LDLRAD3: variants seen among roughly 807,000 people sequenced by gnomAD.
LDLRAD3 encodes the protein low density lipoprotein receptor class A domain containing 3, also known as low-density lipoprotein receptor class A domain-containing protein 3.
Under a neutral mutation model 29.4 loss-of-function variants are expected in LDLRAD3, and 20 were observed. That is an observed-to-expected ratio of 0.68 (90% confidence interval 0.48 to 0.99). The LOEUF is 0.99. LDLRAD3 is among the 50% of genes least tolerant of loss of function. LDLRAD3 has a pLI of 0.00. For synonymous variants in LDLRAD3, 157 were observed against 192.7 expected (o/e 0.81, Z 1.53); for missense variants, 420 against 454.3 (o/e 0.92, Z 0.69).
intron 1 of LDLRAD3, among the ~76,000 whole-genome samples, chr11:36,000,126 A>T (rs1421576165): frequency 2.0e-5 from 3 of 152,112 alleles, no homozygotes; most frequent in East Asian, 1.9e-4. Flanking sequence ...AAAAGGAAGG[A>T]TCTATATGGT....
In LDLRAD3 at chr11:36,135,332, C is replaced by T. The variant is rs1157230341; in HGVS notation, c.454+36871C>T. Among the ~76,000 whole-genome samples the T allele has an allele frequency of 2.6e-5, 4 of 152,174 alleles. No homozygotes were observed. The East Asian group carries it at 7.7e-4, about 29-fold the overall frequency. On this transcript the variant is annotated intron_variant, in intron 4 of 5. Transcript: ENST00000315571. ...AAAGATTGATTGCTGGCTTTTTGCCCTTTCCCCATGGCTGGGGTTTGGGAA... is the reference window on the plus strand; with the variant it reads ...AAAGATTGATTGCTGGCTTTTTGCCTTTTCCCCATGGCTGGGGTTTGGGAA...
At chr11:36,030,192 G>A (rs1386745221) in intron 1 of LDLRAD3, among the ~76,000 whole-genome samples, 1 of 152,216 alleles carries the variant, frequency 6.6e-6, no homozygotes, top group African/African-American at 2.4e-5. Flanking sequence ...CCCAAACTCA[G>A]ACAGCCTTGT....
intron 4 of LDLRAD3, among the ~76,000 whole-genome samples, chr11:36,179,168 G>T (rs1298786168): frequency 6.6e-6 from 1 of 152,142 alleles, no homozygotes; most frequent in African/African-American, 2.4e-5. Context: ...TGGAGATTCC[G>T]AATGAAAAGG....
intron 2 of LDLRAD3, among the ~76,000 whole-genome samples, chr11:36,062,970 A>G (rs1852728039): frequency 6.6e-6 from 1 of 152,206 alleles, no homozygotes; most frequent in South Asian, 2.1e-4. Context: ...AGAAAACAGG[A>G]ACTGGGAAAG....
At chr11:36,087,738 TCTCA>T (rs1434524660) in intron 3 of LDLRAD3, among the ~76,000 whole-genome samples, 1 of 151,144 alleles carries the variant, frequency 6.6e-6, no homozygotes, top group Admixed American at 6.6e-5. Context: ...CCAAATAGGG[TCTCA>T]CTCTCATTTT....
chr11:36,165,606 A>G (rs1028414033), intron 4 of LDLRAD3, among the ~76,000 whole-genome samples: 1 of 152,076 alleles, frequency 6.6e-6, no homozygotes, highest in African/African-American at 2.4e-5. Context: ...CTCCCTTCTA[A>G]GTGTTGATTG....
chr11:35,983,914 T>G (rs1425578263), intron 1 of LDLRAD3, among the ~76,000 whole-genome samples: 1 of 152,168 alleles, frequency 6.6e-6, no homozygotes, highest in Non-Finnish European at 1.5e-5. Context: ...CGTGAGCCAC[T>G]GTGCCTGGCC....
chr11:36,143,931 C>CTCCCCCTCCCT (rs1565254948), intron 4 of LDLRAD3, among the ~76,000 whole-genome samples: 2 of 132,736 alleles, frequency 1.5e-5, no homozygotes, highest in African/African-American at 3.0e-5. Flanking sequence ...TCCCCCTCCC[C>CTCCCCCTCCCT]CTCCCCCTCC....
chr11:36,158,623 C>T (rs1293011689), intron 4 of LDLRAD3, among the ~76,000 whole-genome samples: 1 of 151,106 alleles, frequency 6.6e-6, no homozygotes, highest in African/African-American at 2.4e-5. Context: ...CTGCCCACTA[C>T]CATGTAAATT....
intron 1 of LDLRAD3, among the ~76,000 whole-genome samples, chr11:35,985,299 T>C (rs1851601285): frequency 6.6e-6 from 1 of 152,230 alleles, no homozygotes. Flanking sequence ...CCCTATTGCA[T>C]GTCTCTCTTG....
At chr11:36,034,986 A>T (rs1284604605) in intron 1 of LDLRAD3, among the ~76,000 whole-genome samples, 2 of 152,170 alleles carry the variant, frequency 1.3e-5, no homozygotes, top group Non-Finnish European at 2.9e-5. Flanking sequence ...TGCTACCCCG[A>T]GGCGGGTCTA....
chr11:35,953,252 G>A (rs538269736), intron 1 of LDLRAD3, among the ~76,000 whole-genome samples: 57 of 152,276 alleles, frequency 3.7e-4, no homozygotes, highest in Non-Finnish European at 5.7e-4. Flanking sequence ...CCTGGCGAGC[G>A]GCCACGGGGA....
intron 3 of LDLRAD3, among the ~76,000 whole-genome samples, chr11:36,092,106 C>T (rs911935444): frequency 6.6e-6 from 1 of 152,162 alleles, no homozygotes; most frequent in Non-Finnish European, 1.5e-5. Context: ...CAACAGGAAT[C>T]TATCTGAGAC....
chr11:35,978,847 A>G (rs1486778225), intron 1 of LDLRAD3, among the ~76,000 whole-genome samples: 5 of 152,090 alleles, frequency 3.3e-5, no homozygotes, highest in Non-Finnish European at 5.9e-5. Flanking sequence ...TTTTAGCTTA[A>G]ATTATGCTTA....
At chr11:36,084,893 T>C (rs1463256761) in intron 3 of LDLRAD3, among the ~76,000 whole-genome samples, 1 of 152,238 alleles carries the variant, frequency 6.6e-6, no homozygotes, top group East Asian at 1.9e-4. Flanking sequence ...CTTTAGAGTA[T>C]AGTTGTCTTA....
intron 4 of LDLRAD3, among the ~76,000 whole-genome samples, chr11:36,144,965 G>A (rs1185811664): frequency 4.6e-5 from 5 of 109,336 alleles, no homozygotes; most frequent in South Asian, 3.6e-4. Flanking sequence ...CAGCCGCCCC[G>A]TCCCGGAAGG....
intron 4 of LDLRAD3, among the ~76,000 whole-genome samples, chr11:36,146,965 T>G (rs1854204062): frequency 6.6e-6 from 1 of 151,718 alleles, no homozygotes; most frequent in African/African-American, 2.4e-5. Flanking sequence ...AATTTTTGTA[T>G]TTTTAGTAGA....
At chr11:36,171,189 G>A (rs567280661) in intron 4 of LDLRAD3, among the ~76,000 whole-genome samples, 2 of 152,234 alleles carry the variant, frequency 1.3e-5, no homozygotes, top group African/African-American at 4.8e-5. Context: ...GTAGATTCTC[G>A]ATATTAGTCC....
chr11:36,051,782 A>G (rs1046738075), intron 2 of LDLRAD3, among the ~76,000 whole-genome samples: 1 of 152,176 alleles, frequency 6.6e-6, no homozygotes, highest in Admixed American at 6.5e-5. Flanking sequence ...AAGAAAAAGA[A>G]AAGTGAAACA....
Sources: allele counts gnomAD v4.1 joint callset (sites outside exome capture counted in the v4.1 genomes callset), GRCh38; gene constraint gnomAD v4.1.1; transcripts MANE v1.5; gene names NCBI Gene and HGNC (gene_info 2026-07-23, HGNC 2026-07-21).